Variants in CMIP observed in about 807,000 individuals in gnomAD.
CMIP encodes c-Maf inducing protein.
Under a neutral mutation model 97.3 loss-of-function variants are expected in CMIP, and 13 were observed. That is an observed-to-expected ratio of 0.13 (90% CI 0.09 to 0.21). The LOEUF (loss-of-function observed/expected upper bound fraction) is 0.21. CMIP is among the 10% of genes least tolerant of loss of function. The pLI is 1.00. For missense variants in CMIP, 847 were observed against 1,024.9 expected (o/e 0.83, Z 2.37); for synonymous variants, 538 against 436.3 (o/e 1.23, Z -2.91).
chr16:81,627,539 A>G lies in CMIP; in HGVS notation c.477+6613A>G, dbSNP rs1359298474. Among the ~76,000 whole-genome samples the G allele has an allele frequency of 7.1e-6, 1 of 141,148 alleles. No homozygotes were observed. 92.6% of individuals were successfully genotyped at this position (141,148 alleles called of 152,430 possible). ...CTCCACAGGTGGTCCCGGCTGACTC[A>G]TGGCCTGGGAGGGCTAGGGTGGGTG... On this transcript the variant is annotated intron_variant, in intron 3 of 20. Coordinates refer to ENST00000537098, the MANE Select transcript of CMIP (RefSeq NM_198390.3). The surrounding 1 kb of genome is among the most constrained non-coding windows in gnomAD (Gnocchi z 4.6).
chr16:81,542,105 A>G (rs2090460280), intron 1 of CMIP, among the ~76,000 whole-genome samples: 1 of 152,010 alleles, frequency 6.6e-6, no homozygotes. Context: ...TCACTCTTAA[A>G]CACAGCCCAG....
At chr16:81,612,763 G>C (rs535762138) in intron 2 of CMIP, among the ~76,000 whole-genome samples, 2 of 152,134 alleles carry the variant, frequency 1.3e-5, no homozygotes, top group African/African-American at 4.8e-5. Context: ...GCAGGCTTCC[G>C]GGGGACTTGG....
intron 1 of CMIP, among the ~76,000 whole-genome samples, chr16:81,562,072 A>C (rs2090893967): frequency 6.6e-6 from 1 of 152,192 alleles, no homozygotes; most frequent in Non-Finnish European, 1.5e-5. Flanking sequence ...GGTTAGATGT[A>C]AATGTGCAAG....
chr16:81,678,053 G>C lies in CMIP; in HGVS notation c.1035-222G>C, dbSNP rs138995940. 3.7e-3 allele frequency among the ~76,000 whole-genome samples: 565 copies of C among 152,362 alleles called. 4 individuals are homozygous for C. The highest frequency in any genetic ancestry group is 5.4e-3 in the South Asian group (26 of 4,828). On this transcript the variant is annotated intron_variant, in intron 9 of 20. Coordinates refer to ENST00000537098, the MANE Select transcript of CMIP (RefSeq NM_198390.3). ...GGTGATAGCATGGGCTGTAGAGACAGGCAACCTGGGTTGGGCTGCCATCCC... is the reference window on the plus strand; with the variant it reads ...GGTGATAGCATGGGCTGTAGAGACACGCAACCTGGGTTGGGCTGCCATCCC...
intron 1 of CMIP, among the ~76,000 whole-genome samples, chr16:81,534,269 G>A (rs2090298503): frequency 6.6e-6 from 1 of 152,184 alleles, no homozygotes. Flanking sequence ...GTCAGGATTT[G>A]TTCCATTAAA....
At chr16:81,651,354 T>C (rs150957960) in intron 3 of CMIP, 4 of 900,018 alleles carry the variant, frequency 4.4e-6, no homozygotes, top group South Asian at 5.1e-5. Context: ...CGGAACTAAC[T>C]CTGCCTCAAA....
At chr16:81,478,223 A>G (rs1908048236) in intron 1 of CMIP, among the ~76,000 whole-genome samples, 1 of 152,232 alleles carries the variant, frequency 6.6e-6, no homozygotes, top group Non-Finnish European at 1.5e-5. Flanking sequence ...CTTCCGGAAC[A>G]GGCCATCCTT....
intron 1 of CMIP, among the ~76,000 whole-genome samples, chr16:81,602,826 G>C (rs895815579): frequency 6.6e-6 from 1 of 152,138 alleles, no homozygotes; most frequent in Non-Finnish European, 1.5e-5. Context: ...TCCTACCCCA[G>C]ACAGGAATCT....
intron 1 of CMIP, among the ~76,000 whole-genome samples, chr16:81,547,609 CGGGGGA>C (rs1468015417): frequency 6.7e-6 from 1 of 148,674 alleles, no homozygotes; most frequent in African/African-American, 2.6e-5. Flanking sequence ...GGGTGGGAAG[CGGGGGA>C]GGAGGAGGAG....
At chr16:81,532,611 C>T (rs2090261092) in intron 1 of CMIP, among the ~76,000 whole-genome samples, 1 of 152,144 alleles carries the variant, frequency 6.6e-6, no homozygotes, top group African/African-American at 2.4e-5. Context: ...TTCCCAGGTC[C>T]CGAGGCAGCG....
chr16:81,598,973 A>AAC (rs1305801449), intron 1 of CMIP, among the ~76,000 whole-genome samples: 1 of 149,302 alleles, frequency 6.7e-6, no homozygotes, highest in Non-Finnish European at 1.5e-5. Flanking sequence ...TGTCTCAAAA[A>AAC]AAAAAAAAAA....
rs1234312486 is a variant in CMIP at position 81,620,890 on chromosome 16, C to T, written c.441C>T (p.Tyr147=). Residue 147 remains tyrosine (Y), a synonymous_variant, in exon 3 of 21, where the codon TAC becomes TAT. Transcript: ENST00000537098. ...TGTCGTTACAGGCTGCCAATAGCTA[C>T]CTGCGAGACCAGTGGTTCCATTCTC... The part of the protein sequence containing the change: ...GTVLLQAANS[Y]LRDQWFHSLQ... 6.2e-7 allele frequency: 1 copy of T among 1,613,890 alleles called. No individual in the cohort carries two copies. Among genetic ancestry groups the T allele is most frequent in the Non-Finnish European group, 8.5e-7 (1 of 1,179,878 alleles).
rs377194058 is a variant in CMIP, at chr16:81,586,692, C to T, written c.301-20875C>T. Among the ~76,000 whole-genome samples the T allele has an allele frequency of 3.9e-5, 6 of 152,212 alleles. No homozygotes were observed. In the East Asian group the frequency reaches 9.6e-4, roughly 24 times the overall value. ...GCCCAACTCAAACATCGCATACTCT[C>T]TGAAGTATTCGTCCCACTTTCCCTC... On this transcript the variant is annotated intron_variant, in intron 1 of 20. Coordinates refer to ENST00000537098, the MANE Select transcript of CMIP (RefSeq NM_198390.3).
chr16:81,523,987 G>A (rs928406856), intron 1 of CMIP, among the ~76,000 whole-genome samples: 4 of 152,258 alleles, frequency 2.6e-5, no homozygotes, highest in African/African-American at 7.2e-5. Context: ...CTGTACGTGT[G>A]TATGTGTGCC....
intron 2 of CMIP, among the ~76,000 whole-genome samples, chr16:81,612,927 C>A (rs562353324): frequency 5.2e-4 from 79 of 152,292 alleles, no homozygotes; most frequent in African/African-American, 1.8e-3. Context: ...GGGCTGAGTT[C>A]TCTTGGCTCA....
intron 3 of CMIP, among the ~76,000 whole-genome samples, chr16:81,636,075 GTT>G (rs2092231087): frequency 2.3e-5 from 3 of 129,580 alleles, no homozygotes; most frequent in South Asian, 2.5e-4. Flanking sequence ...CTGGTTGTGT[GTT>G]TGTGTGTGTG....
rs375947777 is a variant in CMIP, at chr16:81,678,326, G to A, written c.1086G>A (p.Pro362=). Residue 362 remains proline (P), a synonymous_variant, in exon 10 of 21, where the codon CCG becomes CCA. Coordinates refer to ENST00000537098, the MANE Select transcript of CMIP (RefSeq NM_198390.3). ...LKEIRNGCQQ[P]CDRKPTLPLR... ...AAATCCGGAACGGCTGCCAGCAGCC[G>A]TGCGACCGGAAGCCCACTTTACCTC... is the stretch of plus-strand genomic sequence containing the variant. 2.0e-5 allele frequency: 33 copies of A among 1,610,348 alleles called. No individual in the cohort carries two copies. The highest frequency in any genetic ancestry group is 8.3e-5 in the Admixed American group (5 of 59,912).
chr16:81,699,573 G>A, intron 14 of CMIP, 112 bp from the exon 15 acceptor site: 1 of 666,130 alleles, frequency 1.5e-6, no homozygotes, highest in South Asian at 1.7e-5. Context: ...TGGCTGTCTG[G>A]ACAGCGTGTA....
At chr16:81,656,513 C>T (rs948545165) in intron 4 of CMIP, among the ~76,000 whole-genome samples, 5 of 152,238 alleles carry the variant, frequency 3.3e-5, no homozygotes, top group African/African-American at 1.2e-4. Flanking sequence ...GAAAGAAGGG[C>T]GGGCACTTCT....
Sources: gnomAD v4.1 joint callset for allele counts (sites outside exome capture counted in the v4.1 genomes callset) on GRCh38, gnomAD v4.1.1 for gene constraint, Gnocchi (gnomAD v3.1) non-coding constraint, MANE v1.5 for transcripts, NCBI Gene and HGNC (gene_info 2026-07-23, HGNC 2026-07-21) for gene names.